Variants in OPHN1 observed in about 807,000 individuals in gnomAD.
OPHN1 encodes oligophrenin 1.
Under a neutral mutation model 60.7 loss-of-function variants are expected in OPHN1, and 11 were observed. The observed-to-expected ratio is 0.18, with a 90% CI of 0.11 to 0.30. OPHN1 has a LOEUF of 0.30. Among genes scored for constraint, OPHN1 ranks in the 10% least tolerant of loss-of-function variants. The pLI is 1.00. For synonymous variants in OPHN1, 226 were observed against 222.6 expected, an observed-to-expected ratio of 1.02 and a Z score of -0.14; for missense variants, 449 against 611.0, an observed-to-expected ratio of 0.73 and a Z score of 2.80.
chrX:68,341,330 A>AC (rs897679345), intron 2 of OPHN1, among the ~76,000 whole-genome samples: 4 of 110,040 alleles, frequency 3.6e-5, no homozygotes, highest in Admixed American at 9.8e-5. Flanking sequence ...CACTTTCAAA[A>AC]AAAAAAAACC....
chrX:68,327,954 C>A (rs1392491275), intron 2 of OPHN1, among the ~76,000 whole-genome samples: 111 of 92,973 alleles, frequency 1.2e-3, no homozygotes, highest in Middle Eastern at 7.1e-3. Context: ...CTCAGCCTCC[C>A]GAGTAGCTGG....
At chrX:68,217,340 C>T (rs376339471) in intron 6 of OPHN1, among the ~76,000 whole-genome samples, 3 of 111,445 alleles carry the variant, frequency 2.7e-5, no homozygotes, top group Non-Finnish European at 5.7e-5. Flanking sequence ...AAGGCGGCAG[C>T]GAGGCTGGGG....
intron 5 of OPHN1, among the ~76,000 whole-genome samples, chrX:68,268,189 T>C (rs1413603293): frequency 4.5e-5 from 5 of 111,724 alleles, no homozygotes; most frequent in Admixed American, 9.5e-5. Flanking sequence ...CCATTCCTTC[T>C]GAAACTATTC....
chrX:68,333,139 T>TA (rs1001599029), intron 2 of OPHN1, among the ~76,000 whole-genome samples: 4 of 109,422 alleles, frequency 3.7e-5, no homozygotes, highest in Non-Finnish European at 7.6e-5. Context: ...CTTATTTTTT[T>TA]AAAAAAAGGC....
At chrX:68,255,377 T>C (rs1415298483) in intron 5 of OPHN1, among the ~76,000 whole-genome samples, 1 of 112,738 alleles carries the variant, frequency 8.9e-6, no homozygotes, top group Non-Finnish European at 1.9e-5. Context: ...AAAGTTCTCA[T>C]AGTGTTTGAT....
chrX:68,103,343 A>G (rs186084473), intron 18 of OPHN1, among the ~76,000 whole-genome samples: 1 of 111,913 alleles, frequency 8.9e-6, no homozygotes, highest in East Asian at 2.8e-4. Flanking sequence ...CATGCTAAAA[A>G]CTCTCAATAA....
chrX:68,335,525 C>T (rs1333971505), intron 2 of OPHN1, among the ~76,000 whole-genome samples: 1 of 112,266 alleles, frequency 8.9e-6, no homozygotes, highest in African/African-American at 3.2e-5. Flanking sequence ...TGATATGCTA[C>T]GAAGGTGTGG....
chrX:68,392,899 A>G (rs768501049), intron 2 of OPHN1, among the ~76,000 whole-genome samples: 2 of 109,526 alleles, frequency 1.8e-5, no homozygotes, highest in South Asian at 8.3e-4. Flanking sequence ...ACCACGCAAT[A>G]AAACCCTGCA....
In OPHN1 at chrX:68,301,340, G is replaced by A. The variant is rs557712084; in HGVS notation, c.155-2244C>T. On this transcript the variant is annotated intron_variant, in intron 2 of 24. Transcript: ENST00000355520. The stretch of plus-strand genomic sequence containing the variant: ...GGGCTTCTGTAGTCCCAGCTACTTG[G>A]GGGGTTGAGACAGGAGAATCACTTG... Among the ~76,000 whole-genome samples the A allele has an allele frequency of 1.3e-4, 14 of 107,503 alleles. No individual in the cohort carries two copies. In the East Asian group the frequency reaches 3.8e-3, roughly 29 times the overall value. The allele number at this position is 107,503 out of a possible 115,157, so 93.4% of individuals were successfully genotyped here.
chrX:68,368,036 C>T (rs1412425205), intron 2 of OPHN1, among the ~76,000 whole-genome samples: 1 of 111,965 alleles, frequency 8.9e-6, no homozygotes, highest in Non-Finnish European at 1.9e-5. Context: ...TAAGGCCAGG[C>T]ACTTGTGTTT....
At chrX:68,143,697 C>T (rs2077252430) in intron 15 of OPHN1, among the ~76,000 whole-genome samples, 2 of 111,465 alleles carry the variant, frequency 1.8e-5, no homozygotes, top group Admixed American at 1.9e-4. Flanking sequence ...TTAATAATAT[C>T]CCCCGGTAGA....
At chrX:68,235,608 C>T (rs1305393520) in intron 5 of OPHN1, among the ~76,000 whole-genome samples, 8 of 107,324 alleles carry the variant, frequency 7.5e-5, no homozygotes, top group Admixed American at 2.0e-4. Context: ...GAGGCCGAGG[C>T]GGGCGGATCA....
chrX:68,283,041 G>A lies in OPHN1; in HGVS notation c.312+15C>T, dbSNP rs1264957620. 1 of 1,188,422 alleles carries A rather than the reference G, an allele frequency of 8.4e-7. No homozygotes were observed. The highest frequency in any genetic ancestry group is 1.8e-5 in the African/African-American group (1 of 56,881). The stretch of plus-strand genomic sequence containing the variant: ...ACCCATGAACTCAGCTTCAGTGACA[G>A]CGTTAGTGACTTACCATCATCATCC... On this transcript the variant is annotated intron_variant, in intron 4 of 24. Transcript: ENST00000355520.
At chrX:68,193,473 C>T (rs1230121260) in intron 14 of OPHN1, among the ~76,000 whole-genome samples, 1 of 111,534 alleles carries the variant, frequency 9.0e-6, no homozygotes, top group Non-Finnish European at 1.9e-5. Flanking sequence ...CACACTTGCC[C>T]ACAGTCTAAA....
intron 2 of OPHN1, among the ~76,000 whole-genome samples, chrX:68,426,648 A>G (rs187866861): frequency 1.5e-4 from 11 of 73,312 alleles, no homozygotes; most frequent in Admixed American, 3.9e-4. Context: ...AAAACATTTG[A>G]GCCCAGGAGT....
intron 2 of OPHN1, among the ~76,000 whole-genome samples, chrX:68,403,582 G>A (rs903555916): frequency 9.0e-5 from 10 of 111,118 alleles, no homozygotes; most frequent in Non-Finnish European, 3.8e-5. Flanking sequence ...AGAAATCTAA[G>A]CAGGGGGTCA....
At chrX:68,094,504 A>G (rs919099943) in intron 19 of OPHN1, among the ~76,000 whole-genome samples, 1 of 111,982 alleles carries the variant, frequency 8.9e-6, no homozygotes, top group African/African-American at 3.2e-5. Context: ...TATAATTTTT[A>G]AAGAATTGAC....
At chrX:68,220,477 A>T (rs1328009741) in intron 6 of OPHN1, among the ~76,000 whole-genome samples, 3 of 108,457 alleles carry the variant, frequency 2.8e-5, no homozygotes, top group Non-Finnish European at 5.7e-5. Context: ...AGACACAACA[A>T]AAAAAGAGAA....
intron 15 of OPHN1, among the ~76,000 whole-genome samples, chrX:68,165,427 A>G (rs1293005039): frequency 9.0e-6 from 1 of 110,937 alleles, no homozygotes; most frequent in African/African-American, 3.3e-5. Flanking sequence ...CTCAGGGAAC[A>G]GGGAGGCCCA....
Sources: allele counts gnomAD v4.1 joint callset (sites outside exome capture counted in the v4.1 genomes callset), GRCh38; gene constraint gnomAD v4.1.1; transcripts MANE v1.5; gene names NCBI Gene and HGNC (gene_info 2026-07-23, HGNC 2026-07-21).